CTNNA3: variants seen among roughly 807,000 people sequenced by gnomAD.
CTNNA3 encodes the protein catenin alpha 3.
A neutral mutation model predicts 95.7 loss-of-function variants in CTNNA3; 76 were observed. The observed-to-expected ratio is 0.79, with a 90% CI of 0.66 to 0.96. The LOEUF (loss-of-function observed/expected upper bound fraction) is 0.96. Ranked by LOEUF, CTNNA3 falls within the 40% of genes least tolerant of loss-of-function variation. The probability of loss-of-function intolerance (pLI) is 0.00; values close to 1 mark genes in which losing one functional copy is unlikely to be tolerated. For missense variants in CTNNA3, 1,191 were observed against 1,089.8 expected (o/e 1.09, Z -1.31); for synonymous variants, 431 against 374.4 (o/e 1.15, Z -1.74).
chr10:66,077,033 GT>G (rs2080578086), intron 14 of CTNNA3, among the ~76,000 whole-genome samples: 1 of 151,766 alleles, frequency 6.6e-6, no homozygotes, highest in Admixed American at 6.6e-5. Context: ...GAAGGAATCT[GT>G]GTATAAACTG....
chr10:66,039,775 C>T (rs1457829000), intron 15 of CTNNA3, among the ~76,000 whole-genome samples: 1 of 152,136 alleles, frequency 6.6e-6, no homozygotes, highest in African/African-American at 2.4e-5. Context: ...ACTATAAAAA[C>T]CCTGGAAGAA....
intron 13 of CTNNA3, among the ~76,000 whole-genome samples, chr10:66,251,340 C>A (rs1033484513): frequency 2.0e-5 from 3 of 151,940 alleles, no homozygotes; most frequent in African/African-American, 7.3e-5. Context: ...CTTGACAATG[C>A]CTCTCATATT....
At chr10:67,656,663 T>C (rs1455824211) in intron 1 of CTNNA3, among the ~76,000 whole-genome samples, 2 of 151,938 alleles carry the variant, frequency 1.3e-5, no homozygotes, top group Non-Finnish European at 2.9e-5. Context: ...ACTAGCCTCA[T>C]TGAGAAGGGG....
At chr10:67,617,722 A>G (rs1343099297) in intron 2 of CTNNA3, among the ~76,000 whole-genome samples, 1 of 150,640 alleles carries the variant, frequency 6.6e-6, no homozygotes, top group African/African-American at 2.4e-5. Flanking sequence ...TCCCACCAAC[A>G]GCGTATAAGC....
intron 17 of CTNNA3, among the ~76,000 whole-genome samples, chr10:65,938,106 C>T (rs2077371125): frequency 6.6e-6 from 1 of 152,104 alleles, no homozygotes; most frequent in South Asian, 2.1e-4. Context: ...GATCAGGGGC[C>T]ATCTCAATGA....
At chr10:67,205,982 C>T (rs1353450446) in intron 6 of CTNNA3, among the ~76,000 whole-genome samples, 1 of 152,164 alleles carries the variant, frequency 6.6e-6, no homozygotes, top group Non-Finnish European at 1.5e-5. Flanking sequence ...GAAACCATCT[C>T]TTTTAAATAT....
chr10:66,787,859 T>C (rs1229694023), intron 7 of CTNNA3, among the ~76,000 whole-genome samples: 1 of 152,188 alleles, frequency 6.6e-6, no homozygotes, highest in African/African-American at 2.4e-5. Flanking sequence ...AGTAATTCAG[T>C]AAACTGTAAT....
intron 10 of CTNNA3, among the ~76,000 whole-genome samples, chr10:66,550,295 C>CT (rs1842175120): frequency 6.6e-6 from 1 of 152,002 alleles, no homozygotes; most frequent in Admixed American, 6.6e-5. Flanking sequence ...TTTCTTTTTA[C>CT]TTACCTTCAG....
intron 11 of CTNNA3, among the ~76,000 whole-genome samples, chr10:66,511,697 C>T (rs1589357662): frequency 1.3e-5 from 2 of 151,664 alleles, no homozygotes; most frequent in Non-Finnish European, 1.5e-5. Context: ...TTATTGATTT[C>T]TAATTATAAT....
intron 1 of CTNNA3, among the ~76,000 whole-genome samples, chr10:67,674,028 T>C: frequency 6.6e-6 from 1 of 151,894 alleles, no homozygotes; most frequent in African/African-American, 2.4e-5. Flanking sequence ...TACATGTCTC[T>C]TTGTGTGCCT....
intron 13 of CTNNA3, among the ~76,000 whole-genome samples, chr10:66,162,264 G>A (rs2084892869): frequency 6.6e-6 from 1 of 151,944 alleles, no homozygotes; most frequent in South Asian, 2.1e-4. Flanking sequence ...ATTTTTTGAG[G>A]GGATGTTGAA....
At chr10:67,646,064 C>T (rs1839696851) in intron 2 of CTNNA3, among the ~76,000 whole-genome samples, 1 of 149,918 alleles carries the variant, frequency 6.7e-6, no homozygotes, top group Admixed American at 6.7e-5. Flanking sequence ...AGTAAACGCA[C>T]CAAAACATTA....
chr10:66,133,112 C>T (rs1468444007), intron 13 of CTNNA3, among the ~76,000 whole-genome samples: 1 of 151,964 alleles, frequency 6.6e-6, no homozygotes, highest in East Asian at 1.9e-4. Flanking sequence ...AAAGGCACCC[C>T]ATGATCTACA....
intron 1 of CTNNA3, among the ~76,000 whole-genome samples, chr10:67,726,594 T>A (rs1589582308): frequency 5.7e-5 from 2 of 35,132 alleles, no homozygotes; most frequent in South Asian, 1.4e-3. Flanking sequence ...TATGTAATAT[T>A]ATATTACATA....
intron 6 of CTNNA3, among the ~76,000 whole-genome samples, chr10:67,213,397 A>G (rs1332709239): frequency 1.3e-5 from 2 of 151,696 alleles, no homozygotes; most frequent in African/African-American, 4.8e-5. Flanking sequence ...TACAAATAAT[A>G]CACTTTTGGC....
chr10:67,402,434 C>T (rs904358619), intron 5 of CTNNA3, among the ~76,000 whole-genome samples: 3 of 152,170 alleles, frequency 2.0e-5, no homozygotes, highest in African/African-American at 4.8e-5. Flanking sequence ...GAGAGTGGGC[C>T]GAGACCTCCA....
intron 10 of CTNNA3, among the ~76,000 whole-genome samples, chr10:66,567,499 G>C (rs1026376169): frequency 6.6e-6 from 1 of 152,022 alleles, no homozygotes; most frequent in African/African-American, 2.4e-5. Context: ...CATGCCTGTA[G>C]TCCTAGCTAT....
At chr10:66,948,924 A>G (rs1848404288) in intron 7 of CTNNA3, among the ~76,000 whole-genome samples, 1 of 152,186 alleles carries the variant, frequency 6.6e-6, no homozygotes, top group Admixed American at 6.5e-5. Context: ...TAGGCTTTGT[A>G]TTAATTTTGA....
intron 6 of CTNNA3, among the ~76,000 whole-genome samples, chr10:67,202,260 A>T (rs1863681352): frequency 6.6e-6 from 1 of 151,190 alleles, no homozygotes; most frequent in East Asian, 2.0e-4. Context: ...CCTGTAAATT[A>T]TAGATCCATG....
Sources: allele counts gnomAD v4.1 joint callset (sites outside exome capture counted in the v4.1 genomes callset), GRCh38; gene constraint gnomAD v4.1.1; transcripts MANE v1.5; gene names NCBI Gene and HGNC (gene_info 2026-07-23, HGNC 2026-07-21).